Variants in TMEM132D observed in about 807,000 individuals in gnomAD.
TMEM132D encodes the protein mature OL transmembrane protein.
In TMEM132D, 21 loss-of-function variants were observed where a neutral mutation model predicts 62.3. The ratio of observed to expected loss-of-function variants is 0.34; its 90% CI spans 0.24 to 0.49. The LOEUF is 0.49. TMEM132D is among the 20% of genes least tolerant of loss of function. The pLI is 0.99. For synonymous variants in TMEM132D, 621 were observed against 575.6 expected (o/e 1.08, Z -1.13); for missense variants, 1,346 against 1,402.8 (o/e 0.96, Z 0.65).
intron 4 of TMEM132D, among the ~76,000 whole-genome samples, chr12:129,302,668 C>A (rs901917365): frequency 5.9e-5 from 9 of 152,216 alleles, no homozygotes; most frequent in African/African-American, 1.7e-4. Context: ...GCCACTGGAG[C>A]GTATTTTTCT....
chr12:129,159,531 C>T (rs1161469448), intron 5 of TMEM132D, among the ~76,000 whole-genome samples: 1 of 151,984 alleles, frequency 6.6e-6, no homozygotes, highest in Admixed American at 6.5e-5. Flanking sequence ...CTGAGGTGGG[C>T]AGATCACTTG....
chr12:129,374,654 C>T (rs956642581), intron 3 of TMEM132D, among the ~76,000 whole-genome samples: 2 of 152,158 alleles, frequency 1.3e-5, no homozygotes, highest in Non-Finnish European at 2.9e-5. Flanking sequence ...TTTCTAGAGG[C>T]TGCCCGTGAG....
chr12:129,344,312 T>C (rs1393234469), intron 3 of TMEM132D, among the ~76,000 whole-genome samples: 4 of 152,120 alleles, frequency 2.6e-5, no homozygotes, highest in African/African-American at 4.8e-5. Flanking sequence ...TACCTTTGGG[T>C]AAATGTTGGG....
At chr12:129,901,177 G>A (rs1223583658) in intron 1 of TMEM132D, among the ~76,000 whole-genome samples, 2 of 152,178 alleles carry the variant, frequency 1.3e-5, no homozygotes, top group Non-Finnish European at 2.9e-5. Context: ...GTGTATGTGT[G>A]TGTGTCTGTG....
At chr12:129,785,930 T>C (rs990062319) in intron 1 of TMEM132D, among the ~76,000 whole-genome samples, 7 of 152,250 alleles carry the variant, frequency 4.6e-5, no homozygotes, top group South Asian at 2.1e-4. Flanking sequence ...TAGCAGTTTA[T>C]GATTGGCGCA....
At chr12:129,847,781 C>G (rs1873409027) in intron 1 of TMEM132D, among the ~76,000 whole-genome samples, 1 of 151,978 alleles carries the variant, frequency 6.6e-6, no homozygotes, top group African/African-American at 2.4e-5. Flanking sequence ...TTTTGGAACA[C>G]TTGCCCTGGA....
intron 3 of TMEM132D, among the ~76,000 whole-genome samples, chr12:129,397,033 A>G (rs1871451127): frequency 6.6e-6 from 1 of 152,152 alleles, no homozygotes; most frequent in Non-Finnish European, 1.5e-5. Flanking sequence ...TTTATGGGTG[A>G]ATCTATTTAA....
intron 4 of TMEM132D, among the ~76,000 whole-genome samples, chr12:129,333,743 G>T (rs1017547831): frequency 6.6e-6 from 1 of 152,176 alleles, no homozygotes; most frequent in Non-Finnish European, 1.5e-5. Context: ...ACTTGGCAGA[G>T]CTCCTAGACT....
chr12:129,167,950 C>A (rs182226551), intron 5 of TMEM132D, among the ~76,000 whole-genome samples: 2 of 151,986 alleles, frequency 1.3e-5, no homozygotes, highest in East Asian at 1.9e-4. Context: ...TGGAGGGAAG[C>A]TTTTAGAGGA....
intron 2 of TMEM132D, among the ~76,000 whole-genome samples, chr12:129,638,875 G>T (rs1055314165): frequency 1.3e-5 from 2 of 152,032 alleles, no homozygotes; most frequent in African/African-American, 4.8e-5. Context: ...CCCACTTAGA[G>T]GGGCAAATGA....
intron 1 of TMEM132D, among the ~76,000 whole-genome samples, chr12:129,746,954 T>C (rs1281843255): frequency 6.6e-6 from 1 of 152,128 alleles, no homozygotes; most frequent in Non-Finnish European, 1.5e-5. Context: ...TCTGCCCACC[T>C]GCCCTGCTAC....
At chr12:129,483,457 G>A (rs1013586241) in intron 3 of TMEM132D, among the ~76,000 whole-genome samples, 1 of 152,178 alleles carries the variant, frequency 6.6e-6, no homozygotes, top group African/African-American at 2.4e-5. Context: ...GCATTCTCGA[G>A]GAACTCTTAC....
chr12:129,268,344 A>G (rs567358779), intron 4 of TMEM132D, among the ~76,000 whole-genome samples: 2 of 152,314 alleles, frequency 1.3e-5, no homozygotes, highest in East Asian at 3.9e-4. Context: ...ACAAGAAAAA[A>G]ACAAACAACC....
rs140636628 is a variant in TMEM132D, at chr12:129,255,652, G to T, written c.1300-45989C>A. Among the ~76,000 whole-genome samples the T allele has an allele frequency of 1.3e-3, 201 of 152,192 alleles. 4 individuals are homozygous for T. Among genetic ancestry groups the T allele is most frequent in the African/African-American group, 4.6e-3 (193 of 41,538 alleles). ...ACCTGGCAATCTTATGACTTTACGT[G>T]TCCTCAACCTTCACCTGTCCCTCAC... is the stretch of plus-strand genomic sequence containing the variant. On this transcript the variant is annotated intron_variant, in intron 4 of 8. Coordinates refer to ENST00000422113, the MANE Select transcript of TMEM132D (RefSeq NM_133448.3).
At chr12:129,692,493 T>C (rs1445780287) in intron 2 of TMEM132D, among the ~76,000 whole-genome samples, 1 of 152,242 alleles carries the variant, frequency 6.6e-6, no homozygotes, top group Non-Finnish European at 1.5e-5. Flanking sequence ...TCTGGGTATA[T>C]ACCCAAAGGA....
rs149854210 is a variant in TMEM132D, at chr12:129,366,937, C to T, written c.1116-29120G>A. On this transcript the variant is annotated intron_variant, in intron 3 of 8. Coordinates refer to ENST00000422113, the MANE Select transcript of TMEM132D (RefSeq NM_133448.3). Reference sequence around the variant, plus strand: ...GAATTCGCACTATGCCCAGTGGGAACGCTTGCCTGCTCACAAAAGAGCTGC... The same window carrying T: ...GAATTCGCACTATGCCCAGTGGGAATGCTTGCCTGCTCACAAAAGAGCTGC... Among the ~76,000 whole-genome samples, 8 of 152,300 alleles carry T rather than the reference C, an allele frequency of 5.3e-5. No homozygotes were observed. The East Asian group carries it at 5.8e-4, about 11-fold the overall frequency.
chr12:129,786,381 C>G (rs1308462508), intron 1 of TMEM132D, among the ~76,000 whole-genome samples: 3 of 152,098 alleles, frequency 2.0e-5, no homozygotes, highest in Non-Finnish European at 4.4e-5. Context: ...AATACAAATG[C>G]ACAAGGGAGG....
chr12:129,327,483 A>G (rs61943941), intron 4 of TMEM132D, among the ~76,000 whole-genome samples: 2,980 of 152,334 alleles, frequency 0.02, 46 homozygotes, highest in Non-Finnish European at 0.031. Context: ...CTAGAACCCA[A>G]TAACCCACAT....
intron 2 of TMEM132D, among the ~76,000 whole-genome samples, chr12:129,660,111 G>A (rs988431551): frequency 1.6e-4 from 24 of 152,208 alleles, no homozygotes; most frequent in African/African-American, 2.9e-4. Flanking sequence ...CGGAGTAACC[G>A]GAAAAGGAGA....
Sources: gnomAD v4.1 joint callset for allele counts (sites outside exome capture counted in the v4.1 genomes callset) on GRCh38, gnomAD v4.1.1 for gene constraint, MANE v1.5 for transcripts, NCBI Gene and HGNC (gene_info 2026-07-23, HGNC 2026-07-21) for gene names.